Variants in MYCBP2 observed in about 807,000 individuals in gnomAD.
The protein encoded by MYCBP2 is E3 ubiquitin-protein ligase MYCBP2.
In MYCBP2, 120 loss-of-function variants were observed where a neutral mutation model predicts 525.3. The observed-to-expected ratio is 0.23, with a 90% confidence interval of 0.20 to 0.27. The LOEUF (loss-of-function observed/expected upper bound fraction) is 0.27, where lower values mean the gene tolerates loss of function less well. Among genes scored for constraint, MYCBP2 ranks in the 10% least tolerant of loss-of-function variants. The probability of loss-of-function intolerance (pLI) is 1.00; values close to 1 mark genes in which losing one functional copy is unlikely to be tolerated. For missense variants in MYCBP2, 4,149 were observed against 5,657.1 expected (o/e 0.73, Z 8.55); for synonymous variants, 1,894 against 1,955.8 (o/e 0.97, Z 0.83).
chr13:77,264,381 CATT>C (rs2073782360), intron 8 of MYCBP2, among the ~76,000 whole-genome samples: 2 of 152,160 alleles, frequency 1.3e-5, no homozygotes, highest in East Asian at 3.9e-4. Flanking sequence ...ACATCACAGT[CATT>C]AGTGTCACAG....
intron 34 of MYCBP2, 63 bp from the exon 35 acceptor site, chr13:77,178,017 T>C (rs1037100531): frequency 9.9e-6 from 10 of 1,005,134 alleles, no homozygotes; most frequent in African/African-American, 3.2e-5. Flanking sequence ...CATCCAAAGG[T>C]TTCTAAGAAG....
chr13:77,097,733 T>C lies in MYCBP2; in HGVS notation c.9421A>G (p.Thr3141Ala), dbSNP rs537035742. ...EKCEDGKTETTFEMSMHNTMK... is the reference protein window; with the variant it reads ...EKCEDGKTETAFEMSMHNTMK... ...GTGTTATGCATGGACATTTCAAAAG[T>C]GGTCTCGGTTTTCCCATCCTCACAT... Residue 3141 changes from threonine to alanine, a missense_variant, in exon 56 of 83, where the codon ACT becomes GCT. Thr to Ala is a moderately conservative substitution (Grantham distance 58). Transcript: ENST00000544440. 10 of 1,613,638 alleles carry C rather than the reference T, an allele frequency of 6.2e-6. No individual in the cohort carries two copies. The highest frequency in any genetic ancestry group is 1.7e-5 in the Admixed American group (1 of 59,942).
At chr13:77,074,204 T>A (rs1448847481) in intron 68 of MYCBP2, among the ~76,000 whole-genome samples, 1 of 152,082 alleles carries the variant, frequency 6.6e-6, no homozygotes, top group Non-Finnish European at 1.5e-5. Context: ...AGACCTACCA[T>A]TTATGGTAAA....
chr13:77,319,562 T>C (rs899292812), intron 1 of MYCBP2, among the ~76,000 whole-genome samples: 2 of 152,230 alleles, frequency 1.3e-5, no homozygotes, highest in African/African-American at 4.8e-5. Flanking sequence ...CCCCCAATTA[T>C]CTTCCACCTT....
intron 17 of MYCBP2, among the ~76,000 whole-genome samples, chr13:77,234,662 A>C (rs2067625909): frequency 6.6e-6 from 1 of 152,032 alleles, no homozygotes; most frequent in Non-Finnish European, 1.5e-5. Flanking sequence ...AAGGTTATGT[A>C]AACTGAGTTC....
In MYCBP2 at chr13:77,318,308, C is replaced by T. The variant is rs540013722; in HGVS notation, c.302+8166G>A. Among the ~76,000 whole-genome samples, 9 of 152,232 alleles carry T rather than the reference C, an allele frequency of 5.9e-5. No homozygotes were observed. The South Asian group carries it at 1.4e-3, about 25-fold the overall frequency. On this transcript the variant is annotated intron_variant, in intron 1 of 82. Coordinates refer to ENST00000544440, the MANE Select transcript of MYCBP2 (RefSeq NM_015057.5). ...TGCACAGCCATCATCGGTAATTTTT[C>T]CATGCACTCATAGGCCAAAAGAAAT... is the stretch of plus-strand genomic sequence containing the variant.
chr13:77,180,190 A>G lies in MYCBP2; in HGVS notation c.5070T>C (p.Ser1690=). The change falls in exon 34 of 83, where the codon TCT becomes TCC. Residue 1690 remains serine (S), a synonymous_variant. Transcript: ENST00000544440. The part of the protein sequence containing the change: ...ENELFSSHLV[S]NTCGLLASIV... ...TGCTGGCCAGTAATCCACAGGTGTTAGAGACGAGGTGGGAGGAGAAGAGTT... is the reference window on the plus strand; with the variant it reads ...TGCTGGCCAGTAATCCACAGGTGTTGGAGACGAGGTGGGAGGAGAAGAGTT... 6.2e-7 allele frequency: 1 copy of G among 1,614,096 alleles called. No homozygotes were observed. The highest frequency in any genetic ancestry group is 1.1e-5 in the South Asian group (1 of 91,080).
At chr13:77,294,157 A>G (rs1426802385) in intron 2 of MYCBP2, among the ~76,000 whole-genome samples, 1 of 56,226 alleles carries the variant, frequency 1.8e-5, no homozygotes, top group Non-Finnish European at 5.0e-5. Flanking sequence ...TATATAAAAT[A>G]TATATAAAGT....
chr13:77,238,242 C>CAAA (rs772175406), intron 17 of MYCBP2, among the ~76,000 whole-genome samples: 53 of 28,180 alleles, frequency 1.9e-3, no homozygotes, highest in African/African-American at 3.8e-3. Context: ...GACTCCGTCT[C>CAAA]AAAAAAAAAA....
rs1208334278 is a variant in MYCBP2, at chr13:77,089,152, T to C, written c.10526-121A>G. The C allele has an allele frequency of 1.8e-5, 13 of 712,416 alleles. No homozygotes were observed. In the East Asian group the frequency reaches 2.8e-4, roughly 16 times the overall value. The allele number at this position is 712,416 out of a possible 1,614,324, so 44.1% of individuals were successfully genotyped here. On this transcript the variant is annotated intron_variant, in intron 60 of 82. Transcript: ENST00000544440. ...GGTTTTTTGAACATGACACAAATCATAACAATTTCAACTTTTACTGAGGAA... is the reference window on the plus strand; with the variant it reads ...GGTTTTTTGAACATGACACAAATCACAACAATTTCAACTTTTACTGAGGAA...
chr13:77,082,070 C>T (rs2043393807), intron 63 of MYCBP2, 77 bp from the exon 64 acceptor site: 2 of 1,251,076 alleles, frequency 1.6e-6, no homozygotes, highest in Non-Finnish European at 1.1e-6. Flanking sequence ...GATGAGTACT[C>T]TGTAGCTAAT....
At chr13:77,194,739 C>T (rs2154261727) in intron 26 of MYCBP2, among the ~76,000 whole-genome samples, 1 of 151,966 alleles carries the variant, frequency 6.6e-6, no homozygotes, top group Admixed American at 6.5e-5. Flanking sequence ...TAAGTGAATA[C>T]TGTAGAATTC....
intron 10 of MYCBP2, among the ~76,000 whole-genome samples, chr13:77,263,293 G>C (rs541405515): frequency 6.6e-6 from 1 of 151,872 alleles, no homozygotes; most frequent in Non-Finnish European, 1.5e-5. Flanking sequence ...CATTTACAAC[G>C]TAAGTTTTCA....
At chr13:77,271,057 T>C (rs951268594) in intron 5 of MYCBP2, among the ~76,000 whole-genome samples, 4 of 152,136 alleles carry the variant, frequency 2.6e-5, no homozygotes, top group Admixed American at 2.6e-4. Context: ...TTTCCTAATG[T>C]CTGACTACTT....
chr13:77,285,612 C>T (rs914706996), intron 3 of MYCBP2, among the ~76,000 whole-genome samples: 2 of 152,076 alleles, frequency 1.3e-5, no homozygotes, highest in South Asian at 4.1e-4. Flanking sequence ...CATGGAGAAA[C>T]CCCATCTCTA....
intron 46 of MYCBP2, among the ~76,000 whole-genome samples, chr13:77,152,426 A>G (rs1391126948): frequency 1.3e-5 from 2 of 152,248 alleles, no homozygotes; most frequent in African/African-American, 4.8e-5. Context: ...TATACTGGAT[A>G]GGAGAAGGTG....
At chr13:77,190,192 T>C in intron 29 of MYCBP2, 60 bp downstream of exon 29, 1 of 1,112,040 alleles carries the variant, frequency 9.0e-7, no homozygotes, top group South Asian at 1.6e-5. Context: ...TTTGTAATGA[T>C]TCTACTTCAT....
chr13:77,313,192 T>C (rs2080484042), intron 1 of MYCBP2, among the ~76,000 whole-genome samples: 1 of 152,020 alleles, frequency 6.6e-6, no homozygotes, highest in Non-Finnish European at 1.5e-5. Context: ...CAGTCAAAAT[T>C]TGTGGGATGT....
chr13:77,103,338 C>T (rs1338829871), intron 55 of MYCBP2: 1 of 397,090 alleles, frequency 2.5e-6, no homozygotes, highest in African/African-American at 2.1e-5. Context: ...GGCAAAGAAG[C>T]AGCACAGATT....
Sources: allele counts gnomAD v4.1 joint callset (sites outside exome capture counted in the v4.1 genomes callset), GRCh38; gene constraint gnomAD v4.1.1; transcripts MANE v1.5; gene names NCBI Gene and HGNC (gene_info 2026-07-23, HGNC 2026-07-21).